Variants in SENP7 observed in about 807,000 individuals in gnomAD.
SENP7 encodes sentrin-specific protease 7.
A neutral mutation model predicts 141.2 loss-of-function variants in SENP7; 64 were observed. The ratio of observed to expected loss-of-function variants is 0.45; its 90% CI spans 0.37 to 0.56. The LOEUF (loss-of-function observed/expected upper bound fraction) is 0.56. Among genes scored for constraint, SENP7 ranks in the 20% least tolerant of loss-of-function variants. The pLI is 0.00. For synonymous variants in SENP7, 382 were observed against 426.4 expected (o/e 0.90, Z 1.28); for missense variants, 1,025 against 1,212.2 (o/e 0.85, Z 2.29).
intron 6 of SENP7, among the ~76,000 whole-genome samples, chr3:101,390,052 T>C (rs972390847): frequency 6.6e-6 from 1 of 151,810 alleles, no homozygotes; most frequent in African/African-American, 2.4e-5. Context: ...AAACCCCATC[T>C]CTACTAAAAA....
chr3:101,456,987 C>T (rs2063374265), intron 4 of SENP7, among the ~76,000 whole-genome samples: 1 of 149,106 alleles, frequency 6.7e-6, no homozygotes, highest in African/African-American at 2.5e-5. Flanking sequence ...TTTTGTTTTA[C>T]TAGGCAAAGA....
rs111394442 is a variant in SENP7 at position 101,364,930 on chromosome 3, T to C, written c.1380A>G (p.Leu460=). 8 of 1,594,570 alleles carry C rather than the reference T, an allele frequency of 5.0e-6. No homozygotes were observed. The highest frequency in any genetic ancestry group is 1.3e-5 in the African/African-American group (1 of 74,206). The change falls in exon 10 of 24, where the codon TTA becomes TTG. Residue 460 remains leucine, a synonymous_variant. Coordinates refer to ENST00000394095, the MANE Select transcript of SENP7 (RefSeq NM_020654.5). ...TTGTCTCACGGTCTTGCTTAGATTG[T>C]AACTTAAGAATTTCTGAACTTTTAT... ...VEHKSSEILK[L]QSKQDRETTN...
chr3:101,459,068 T>G lies in SENP7; in HGVS notation c.187-16A>C. 7.2e-7 allele frequency: 1 copy of G among 1,380,470 alleles called. No individual in the cohort carries two copies. Among genetic ancestry groups the G allele is most frequent in the Non-Finnish European group, 1.0e-6 (1 of 989,978 alleles). The allele number at this position is 1,380,470 out of a possible 1,614,324, so 85.5% of individuals were successfully genotyped here. A position where few individuals can be genotyped will look rare whatever the true frequency, so the allele number is the denominator to read the frequency against. ...TTCTTTCCCACTAGGAAAAAAAAAA[T>G]GAAATTTTAATAATAAACATATCAA... On this transcript the variant is annotated splice_polypyrimidine_tract_variant and intron_variant, in intron 3 of 23. Transcript: ENST00000394095.
chr3:101,494,528 C>T (rs2065087922), intron 2 of SENP7, among the ~76,000 whole-genome samples: 1 of 152,042 alleles, frequency 6.6e-6, no homozygotes, highest in Non-Finnish European at 1.5e-5. Context: ...ACTCCAGATT[C>T]TTGTCAAAAT....
chr3:101,437,268 C>T (rs2062426900), intron 4 of SENP7, among the ~76,000 whole-genome samples: 1 of 151,976 alleles, frequency 6.6e-6, no homozygotes, highest in African/African-American at 2.4e-5. Context: ...CAGTTAATGG[C>T]TATAATAAAA....
At chr3:101,370,585 T>A (rs1163836950) in intron 7 of SENP7, among the ~76,000 whole-genome samples, 1 of 152,240 alleles carries the variant, frequency 6.6e-6, no homozygotes, top group African/African-American at 2.4e-5. Flanking sequence ...ATGTATTTTT[T>A]ATGATTGTAT....
chr3:101,361,218 C>A (rs373259297), intron 11 of SENP7, among the ~76,000 whole-genome samples: 3 of 149,254 alleles, frequency 2.0e-5, no homozygotes, highest in Non-Finnish European at 4.5e-5. Context: ...GTCCGCCCCC[C>A]CAAAAAAAAA....
intron 5 of SENP7, among the ~76,000 whole-genome samples, chr3:101,405,839 T>C (rs1002263567): frequency 1.3e-5 from 2 of 152,106 alleles, no homozygotes; most frequent in African/African-American, 2.4e-5. Flanking sequence ...ATTCAGAGCT[T>C]GAAAACAAGG....
At chr3:101,430,903 AG>A (rs371685873) in intron 4 of SENP7, among the ~76,000 whole-genome samples, 1,532 of 152,300 alleles carry the variant, frequency 0.01, 29 homozygotes, top group African/African-American at 0.035. Flanking sequence ...TTGGTTTTAA[AG>A]AACATCTTTA....
intron 2 of SENP7, among the ~76,000 whole-genome samples, chr3:101,497,315 G>C (rs968891161): frequency 6.6e-6 from 1 of 152,098 alleles, no homozygotes; most frequent in Non-Finnish European, 1.5e-5. Flanking sequence ...TTCTAGTCTT[G>C]TCTGTTGAGA....
chr3:101,372,126 C>T lies in SENP7; in HGVS notation c.678G>A (p.Arg226=). 1 of 1,513,410 alleles carries T rather than the reference C, an allele frequency of 6.6e-7. No homozygotes were observed. Among genetic ancestry groups the T allele is most frequent in the Non-Finnish European group, 9.0e-7 (1 of 1,111,818 alleles). 93.7% of individuals were successfully genotyped at this position (1,513,410 alleles called of 1,614,324 possible). The stretch of plus-strand genomic sequence containing the variant: ...CTACTGTCTTACTTCGTTGTGAGCC[C>T]CTGCAAAAGAGAACTGTATTATACT... ...NPHKSCYLSE[R]GSQRSKTVDD... The change falls in exon 7 of 24, where the codon AGG becomes AGA. Residue 226 remains arginine (R), a splice_region_variant and synonymous_variant. Coordinates refer to ENST00000394095, the MANE Select transcript of SENP7 (RefSeq NM_020654.5).
intron 4 of SENP7, among the ~76,000 whole-genome samples, chr3:101,426,752 G>A (rs979978706): frequency 2.0e-5 from 3 of 152,154 alleles, no homozygotes; most frequent in African/African-American, 7.2e-5. Context: ...AAAGTGCTGG[G>A]ATTACAGGCA....
intron 5 of SENP7, among the ~76,000 whole-genome samples, chr3:101,416,032 T>C (rs768858729): frequency 3.3e-5 from 5 of 151,880 alleles, no homozygotes; most frequent in Non-Finnish European, 7.4e-5. Context: ...AAGTTCTAAT[T>C]TGTAAGTAGT....
chr3:101,438,247 C>T (rs2062465961), intron 4 of SENP7, among the ~76,000 whole-genome samples: 1 of 152,124 alleles, frequency 6.6e-6, no homozygotes, highest in Admixed American at 6.5e-5. Context: ...GAAAATTATT[C>T]ACCTTTCAAA....
intron 1 of SENP7, among the ~76,000 whole-genome samples, chr3:101,510,993 T>A (rs1007950822): frequency 6.6e-6 from 1 of 152,058 alleles, no homozygotes; most frequent in African/African-American, 2.4e-5. Flanking sequence ...AAATTAAATA[T>A]ACGCTATTAA....
chr3:101,448,357 C>A (rs1241848476), intron 4 of SENP7, among the ~76,000 whole-genome samples: 1 of 152,172 alleles, frequency 6.6e-6, no homozygotes, highest in Admixed American at 6.5e-5. Flanking sequence ...TGATAAGGGA[C>A]TTGTACCAAG....
At chr3:101,432,690 T>C (rs909956818) in intron 4 of SENP7, among the ~76,000 whole-genome samples, 1 of 152,224 alleles carries the variant, frequency 6.6e-6, no homozygotes, top group African/African-American at 2.4e-5. Flanking sequence ...ATCAAGACAG[T>C]ATCTCTATGA....
intron 5 of SENP7, among the ~76,000 whole-genome samples, chr3:101,403,805 A>C (rs1447615577): frequency 1.3e-5 from 2 of 152,178 alleles, no homozygotes; most frequent in South Asian, 2.1e-4. Context: ...CAAATCACAA[A>C]GGCAATCTCA....
chr3:101,396,452 T>C (rs1179829201), intron 6 of SENP7, among the ~76,000 whole-genome samples: 2 of 152,190 alleles, frequency 1.3e-5, no homozygotes, highest in Admixed American at 6.5e-5. Context: ...TCTTTTTCTT[T>C]TTTTTTTGCT....
Sources: gnomAD v4.1 joint callset for allele counts (sites outside exome capture counted in the v4.1 genomes callset) on GRCh38, gnomAD v4.1.1 for gene constraint, MANE v1.5 for transcripts, NCBI Gene and HGNC (gene_info 2026-07-23, HGNC 2026-07-21) for gene names.